The following GLB1L3 variants were observed in gnomAD, a reference collection of about 807,000 sequenced individuals.
The protein encoded by GLB1L3 is galactosidase beta 1 like 3.
In GLB1L3, 89 loss-of-function variants were observed where a neutral mutation model predicts 89.5. The observed-to-expected ratio is 0.99, with a 90% CI of 0.84 to 1.19. GLB1L3 has a LOEUF of 1.19. GLB1L3 is among the 50% of genes most tolerant of loss of function. GLB1L3 has a pLI of 0.00. For synonymous variants in GLB1L3, 314 were observed against 312.3 expected, an observed-to-expected ratio of 1.01 and a Z score of -0.06; for missense variants, 812 against 813.3, an observed-to-expected ratio of 1.00 and a Z score of 0.02.
chr11:134,279,836 C>G (rs913515493), intron 3 of GLB1L3, among the ~76,000 whole-genome samples: 1 of 152,066 alleles, frequency 6.6e-6, no homozygotes, highest in Non-Finnish European at 1.5e-5. Context: ...TTAGTACTCT[C>G]TGTATATTTC....
intron 6 of GLB1L3, among the ~76,000 whole-genome samples, chr11:134,286,429 T>C (rs762534244): frequency 3.3e-5 from 5 of 152,200 alleles, no homozygotes; most frequent in Non-Finnish European, 7.3e-5. Context: ...ATGTGTCTGT[T>C]TGCATTTCTG....
At position 134,290,568 on chromosome 11, in the gene GLB1L3, TC is replaced by T. The variant is rs71479600; in HGVS notation, c.730-1556del. On this transcript the variant is annotated intron_variant, in intron 7 of 19. Coordinates refer to ENST00000431683, the MANE Select transcript of GLB1L3 (RefSeq NM_001080407.3). ...AGCCTGGGTGACAGAGTGAGACTCG[TC>T]CCCCCCCGCCAAAAAAAAAGAAAAG... Among the ~76,000 whole-genome samples the T allele has an allele frequency of 7.5e-5, 4 of 53,120 alleles. 1 individual carries two copies. The highest frequency in any genetic ancestry group is 7.9e-4 in the East Asian group (2 of 2,520). 34.8% of individuals were successfully genotyped at this position (53,120 alleles called of 152,430 possible).
chr11:134,288,734 C>CA (rs1941163990), intron 6 of GLB1L3, 64 bp from the exon 7 acceptor site: 2 of 1,226,118 alleles, frequency 1.6e-6, no homozygotes, highest in Non-Finnish European at 2.3e-6. Flanking sequence ...GCAGCAAGCT[C>CA]AGAGACTCCA....
Position 134,277,904 on chromosome 11 carries a change from T to C in GLB1L3, c.354T>C (p.Thr118=), listed in dbSNP as rs769791965. The C allele has an allele frequency of 6.2e-7, 1 of 1,613,832 alleles. No individual in the cohort carries two copies. The highest frequency in any genetic ancestry group is 8.5e-7 in the Non-Finnish European group (1 of 1,179,950). Residue 118 remains threonine, a synonymous_variant, in exon 3 of 20, where the codon ACT becomes ACC. Transcript: ENST00000431683. The part of the protein sequence containing the change: ...LLKLKACGFN[T]VTTYVPWNLH... ...AGCTGAAGGCCTGTGGCTTCAATAC[T>C]GTCACCACGTGAGTGCCGGCCCCTC...
intron 13 of GLB1L3, 96 bp from the exon 14 acceptor site, chr11:134,312,253 G>C: frequency 7.3e-7 from 1 of 1,379,142 alleles, no homozygotes; most frequent in East Asian, 2.3e-5. Context: ...AAGAACCCTT[G>C]GGGACCATTA....
intron 9 of GLB1L3, among the ~76,000 whole-genome samples, chr11:134,302,747 T>C (rs549385176): frequency 3.3e-5 from 5 of 152,342 alleles, no homozygotes; most frequent in African/African-American, 1.2e-4. Context: ...GTTTATGTCC[T>C]ATCAATGGTC....
At chr11:134,318,153 AC>A (rs1943059688) in intron 18 of GLB1L3, among the ~76,000 whole-genome samples, 1 of 152,138 alleles carries the variant, frequency 6.6e-6, no homozygotes, top group East Asian at 1.9e-4. Flanking sequence ...TATGTGCTAG[AC>A]TGTTTTGTTA....
At chr11:134,277,549 A>G (rs1265706093) in intron 2 of GLB1L3, 98 bp downstream of exon 2, 10 of 1,531,706 alleles carry the variant, frequency 6.5e-6, no homozygotes, top group Middle Eastern at 1.7e-4. Context: ...CGTCCTACTA[A>G]CATATGCACA....
Position 134,292,057 on chromosome 11 carries a change from T to A in GLB1L3, c.730-75T>A, listed in dbSNP as rs1160205812. The A allele has an allele frequency of 1.0e-5, 10 of 959,478 alleles. No individual in the cohort carries two copies. The African/African-American group carries it at 1.3e-4, about 12-fold the overall frequency. 59.4% of individuals were successfully genotyped at this position (959,478 alleles called of 1,614,324 possible). Reference sequence around the variant, plus strand: ...TGCATGGATGCAGAACCCATGAATATGGGGAGCTGTATGTATTTCTTTTTT... The same window carrying A: ...TGCATGGATGCAGAACCCATGAATAAGGGGAGCTGTATGTATTTCTTTTTT... On this transcript the variant is annotated intron_variant, in intron 7 of 19. Coordinates refer to ENST00000431683, the MANE Select transcript of GLB1L3 (RefSeq NM_001080407.3).
chr11:134,284,549 A>C (rs1655343219), intron 6 of GLB1L3, among the ~76,000 whole-genome samples: 1 of 152,012 alleles, frequency 6.6e-6, no homozygotes, highest in Admixed American at 6.6e-5. Flanking sequence ...CCAACATGGG[A>C]AACTCCATCT....
At chr11:134,277,067 A>G (rs1025051845) in intron 1 of GLB1L3, 55 of 581,944 alleles carry the variant, frequency 9.5e-5, no homozygotes, top group Non-Finnish European at 1.6e-4. Flanking sequence ...CGCCTCTCCC[A>G]GGCACCCACC....
At chr11:134,307,425 G>C (rs1243464869) in intron 10 of GLB1L3, among the ~76,000 whole-genome samples, 3 of 152,232 alleles carry the variant, frequency 2.0e-5, no homozygotes, top group Non-Finnish European at 2.9e-5. Context: ...GAGGTCCACA[G>C]ATCATTACAG....
rs1942676834 is a variant in GLB1L3 at position 134,310,562 on chromosome 11, G to A, written c.1100-9G>A. 2.5e-6 allele frequency: 4 copies of A among 1,609,432 alleles called. No homozygotes were observed. The highest frequency in any genetic ancestry group is 1.3e-5 in the African/African-American group (1 of 74,878). On this transcript the variant is annotated splice_polypyrimidine_tract_variant and intron_variant, in intron 11 of 19. Coordinates refer to ENST00000431683, the MANE Select transcript of GLB1L3 (RefSeq NM_001080407.3). ...TGCATGGCTGGTGACTGGCCCTGGTGTCTTGCAGACTATGATGCAGTGCTC... is the reference window on the plus strand; with the variant it reads ...TGCATGGCTGGTGACTGGCCCTGGTATCTTGCAGACTATGATGCAGTGCTC...
intron 9 of GLB1L3, among the ~76,000 whole-genome samples, chr11:134,295,572 AT>A (rs201119746): frequency 0.013 from 1,994 of 152,096 alleles, 52 homozygotes; most frequent in African/African-American, 0.045. Context: ...TTTCGGCTTG[AT>A]TTTGATTCCC....
chr11:134,314,274 G>C (rs1942884529), intron 17 of GLB1L3, 56 bp from the exon 18 acceptor site: 1 of 1,271,032 alleles, frequency 7.9e-7, no homozygotes, highest in African/African-American at 1.5e-5. Flanking sequence ...GGTGGGTACT[G>C]GGAACTGGGT....
chr11:134,312,775 C>T (rs371736398), intron 14 of GLB1L3, 41 bp from the exon 15 acceptor site: 89 of 1,528,258 alleles, frequency 5.8e-5, no homozygotes, highest in South Asian at 1.7e-4. Context: ...TCCCTTTCTT[C>T]GGGTGGGCCT....
chr11:134,280,798 T>C (rs1167983245), intron 3 of GLB1L3, among the ~76,000 whole-genome samples: 1 of 152,200 alleles, frequency 6.6e-6, no homozygotes, highest in African/African-American at 2.4e-5. Context: ...ATAGGAAACA[T>C]GATGTTAAGG....
intron 14 of GLB1L3, 33 bp from the exon 15 acceptor site, chr11:134,312,783 C>T (rs775491714): frequency 2.0e-5 from 32 of 1,563,950 alleles, no homozygotes; most frequent in Non-Finnish European, 2.7e-5. Flanking sequence ...TTCGGGTGGG[C>T]CTAGCAGTCT....
intron 13 of GLB1L3, 195 bp downstream of exon 13, chr11:134,311,365 G>A (rs1434252390): frequency 1.7e-6 from 1 of 575,686 alleles, no homozygotes; most frequent in Non-Finnish European, 3.1e-6. Flanking sequence ...CAGTGTGCAG[G>A]GGAGGGGCAG....
Sources: allele counts gnomAD v4.1 joint callset (sites outside exome capture counted in the v4.1 genomes callset), GRCh38; gene constraint gnomAD v4.1.1; transcripts MANE v1.5; gene names NCBI Gene and HGNC (gene_info 2026-07-23, HGNC 2026-07-21).